Variants in MSI2 observed in about 807,000 individuals in gnomAD.
MSI2 encodes the protein musashi RNA binding protein 2.
Under a neutral mutation model 45.6 loss-of-function variants are expected in MSI2, and 17 were observed. That is an observed-to-expected ratio of 0.37 (90% CI 0.26 to 0.56). The LOEUF is 0.56. MSI2 is among the 20% of genes least tolerant of loss of function. The pLI is 0.77. For missense variants in MSI2, 293 were observed against 444.2 expected, an observed-to-expected ratio of 0.66 and a Z score of 3.06; for synonymous variants, 156 against 158.2, an observed-to-expected ratio of 0.99 and a Z score of 0.11.
At chr17:57,392,223 G>C (rs1315208049) in intron 5 of MSI2, among the ~76,000 whole-genome samples, 1 of 152,206 alleles carries the variant, frequency 6.6e-6, no homozygotes, top group Admixed American at 6.5e-5. Flanking sequence ...CTACTGTTTA[G>C]GATATTACTC....
At position 57,679,529 on chromosome 17, in the gene MSI2, TG is replaced by T. The variant is rs1913470189; in HGVS notation, c.*32-18del. On this transcript the variant is annotated intron_variant, in intron 13 of 13. Transcript: ENST00000284073. Reference sequence around the variant, plus strand: ...ATTTTATGTTTTCTTCTGGACATCCTGGCCTTCCCTGCCCTGCAGAGCATAC... The same window carrying T: ...ATTTTATGTTTTCTTCTGGACATCCTGCCTTCCCTGCCCTGCAGAGCATAC... 1 of 1,052,094 alleles carries T rather than the reference TG, an allele frequency of 9.5e-7. No homozygotes were observed. Among genetic ancestry groups the T allele is most frequent in the Middle Eastern group, 4.3e-4 (1 of 2,312 alleles). 65.2% of individuals were successfully genotyped at this position (1,052,094 alleles called of 1,614,324 possible).
intron 7 of MSI2, among the ~76,000 whole-genome samples, chr17:57,577,695 C>G (rs775849474): frequency 5.3e-5 from 8 of 152,034 alleles, no homozygotes; most frequent in Non-Finnish European, 1.2e-4. Flanking sequence ...GATGTAAGCC[C>G]AAAGGGAAAG....
At chr17:57,545,166 C>T (rs373326231) in intron 7 of MSI2, among the ~76,000 whole-genome samples, 2 of 151,230 alleles carry the variant, frequency 1.3e-5, no homozygotes, top group Admixed American at 6.6e-5. Context: ...ATTCTGGAGG[C>T]CCCCCCGTTT....
chr17:57,390,624 G>A (rs745870500), intron 5 of MSI2, among the ~76,000 whole-genome samples: 12 of 152,184 alleles, frequency 7.9e-5, no homozygotes, highest in East Asian at 1.9e-4. Flanking sequence ...TGTTCTTTTC[G>A]TGAAATCAAC....
Position 57,410,008 on chromosome 17 carries a change from C to CAAAAAAAAAAAAAAAAAA in MSI2, c.405+8554_405+8555insAAAAAAAAAAAAAAAAAA, listed in dbSNP as rs59098048. Among the ~76,000 whole-genome samples the CAAAAAAAAAAAAAAAAAA allele has an allele frequency of 4.4e-4, 27 of 61,646 alleles. 1 individual carries two copies. The highest frequency in any genetic ancestry group is 1.3e-3 in the African/African-American group (22 of 16,684). 40.4% of individuals were successfully genotyped at this position (61,646 alleles called of 152,430 possible). On this transcript the variant is annotated intron_variant, in intron 6 of 13. Transcript: ENST00000284073. ...GGGTGACAGTGTGAGACTCTGTCTC[C>CAAAAAAAAAAAAAAAAAA]AAAAAAAAAAAAAAAAATGGGGAGT...
At chr17:57,639,474 A>G (rs940816151) in intron 10 of MSI2, among the ~76,000 whole-genome samples, 5 of 152,180 alleles carry the variant, frequency 3.3e-5, no homozygotes, top group East Asian at 1.9e-4. Flanking sequence ...TCCCGGACAC[A>G]TGCTTTGTGA....
Position 57,618,831 on chromosome 17 carries a change from T to G in MSI2, c.652+2747T>G, listed in dbSNP as rs1460220828. The stretch of plus-strand genomic sequence containing the variant: ...TGCTGGGATTACAGGCGTGAGCCAC[T>G]GCGCCCAGCAACGCTGTCTCTTAAA... On this transcript the variant is annotated intron_variant, in intron 9 of 13. Coordinates refer to ENST00000284073, the MANE Select transcript of MSI2 (RefSeq NM_138962.4). Among the ~76,000 whole-genome samples, 4 of 152,170 alleles carry G rather than the reference T, an allele frequency of 2.6e-5. No homozygotes were observed. In the South Asian group the frequency reaches 6.2e-4, roughly 24 times the overall value.
intron 5 of MSI2, among the ~76,000 whole-genome samples, chr17:57,401,082 G>C (rs1478201986): frequency 6.6e-6 from 1 of 152,124 alleles, no homozygotes; most frequent in Non-Finnish European, 1.5e-5. Flanking sequence ...CTTGACATGT[G>C]ATTTTTCTCT....
intron 5 of MSI2, among the ~76,000 whole-genome samples, chr17:57,346,356 G>C (rs1434863180): frequency 1.4e-5 from 2 of 145,380 alleles, no homozygotes; most frequent in East Asian, 2.1e-4. Flanking sequence ...TTTGGGGGGG[G>C]GGGTCTGATT....
intron 6 of MSI2, among the ~76,000 whole-genome samples, chr17:57,409,852 C>G (rs889927894): frequency 1.3e-5 from 2 of 151,656 alleles, no homozygotes; most frequent in Non-Finnish European, 2.9e-5. Flanking sequence ...ACTAAAAATA[C>G]AAAAAATTAA....
At chr17:57,449,501 C>T (rs961823414) in intron 6 of MSI2, 5 of 152,120 alleles carry the variant, frequency 3.3e-5, no homozygotes, top group African/African-American at 1.2e-4. Context: ...TGGTATTGGT[C>T]CCTCTCTGGG....
rs145055346 is a variant in MSI2, at chr17:57,386,327, A to G, written c.313-15052A>G. On this transcript the variant is annotated intron_variant, in intron 5 of 13. Coordinates refer to ENST00000284073, the MANE Select transcript of MSI2 (RefSeq NM_138962.4). ...GTTCTTCGTAGGAACAAAGCCTTTTATCTTCTTAGTGCTTGTGCCCAGTGT... is the reference window on the plus strand; with the variant it reads ...GTTCTTCGTAGGAACAAAGCCTTTTGTCTTCTTAGTGCTTGTGCCCAGTGT... Among the ~76,000 whole-genome samples the G allele has an allele frequency of 2.7e-3, 412 of 152,190 alleles. 2 individuals carry two copies. The highest frequency in any genetic ancestry group is 4.9e-3 in the Non-Finnish European group (336 of 68,004).
chr17:57,674,053 G>C (rs1913025095), intron 11 of MSI2, among the ~76,000 whole-genome samples: 1 of 150,934 alleles, frequency 6.6e-6, no homozygotes, highest in Admixed American at 6.6e-5. Context: ...TTCCACCCCA[G>C]CTCTGGCCCC....
chr17:57,376,415 C>G (rs1411207374), intron 5 of MSI2, among the ~76,000 whole-genome samples: 1 of 152,178 alleles, frequency 6.6e-6, no homozygotes, highest in Non-Finnish European at 1.5e-5. Flanking sequence ...AAGCTGGTGT[C>G]CACTTGGACT....
intron 6 of MSI2, among the ~76,000 whole-genome samples, chr17:57,468,844 G>A (rs1290895290): frequency 6.6e-6 from 1 of 152,084 alleles, no homozygotes; most frequent in African/African-American, 2.4e-5. Flanking sequence ...ATGCTGTAGG[G>A]GGCCCGAGAG....
At chr17:57,556,048 T>C (rs139319003) in intron 7 of MSI2, among the ~76,000 whole-genome samples, 69 of 152,382 alleles carry the variant, frequency 4.5e-4, no homozygotes, top group Middle Eastern at 6.8e-3. Flanking sequence ...TGTAAATTTC[T>C]TTTATGCTGA....
At chr17:57,481,517 G>T (rs1231038786) in intron 6 of MSI2, among the ~76,000 whole-genome samples, 1 of 152,156 alleles carries the variant, frequency 6.6e-6, no homozygotes, top group Non-Finnish European at 1.5e-5. Flanking sequence ...TCCTTTGCTA[G>T]TAACTAGGTC....
chr17:57,315,714 A>G (rs867823817), intron 5 of MSI2, among the ~76,000 whole-genome samples: 3 of 152,126 alleles, frequency 2.0e-5, no homozygotes, highest in Non-Finnish European at 4.4e-5. Flanking sequence ...TAGCGGCGAG[A>G]CTTGGATTAG....
intron 7 of MSI2, among the ~76,000 whole-genome samples, chr17:57,575,154 C>CT (rs543349015): frequency 5.7e-4 from 77 of 135,822 alleles, no homozygotes; most frequent in Admixed American, 1.1e-3. Context: ...AACTCCCTCC[C>CT]CCCGCCACCC....
Sources: gnomAD v4.1 joint callset for allele counts (sites outside exome capture counted in the v4.1 genomes callset) on GRCh38, gnomAD v4.1.1 for gene constraint, MANE v1.5 for transcripts, NCBI Gene and HGNC (gene_info 2026-07-23, HGNC 2026-07-21) for gene names.